The following PARD3B variants were observed in gnomAD, a reference collection of about 807,000 sequenced individuals.
PARD3B encodes the protein par-3 family cell polarity regulator beta.
A neutral mutation model predicts 130.2 loss-of-function variants in PARD3B; 103 were observed. The ratio of observed to expected loss-of-function variants is 0.79; its 90% CI spans 0.67 to 0.93. PARD3B has a LOEUF of 0.93. Ranked by LOEUF, PARD3B falls within the 40% of genes least tolerant of loss-of-function variation. The pLI is 0.00. For missense variants in PARD3B, 1,609 were observed against 1,499.2 expected, an observed-to-expected ratio of 1.07 and a Z score of -1.21; for synonymous variants, 583 against 553.2, an observed-to-expected ratio of 1.05 and a Z score of -0.76.
In PARD3B at chr2:205,011,477, T is replaced by G. The variant is rs946595982; in HGVS notation, c.395-36104T>G. ...GAGGGGCATGCTCTAAAGACAGAAGTGCAGTTTTATAACCTAATCTCAGAA... is the reference window on the plus strand; with the variant it reads ...GAGGGGCATGCTCTAAAGACAGAAGGGCAGTTTTATAACCTAATCTCAGAA... On this transcript the variant is annotated intron_variant, in intron 3 of 22. Transcript: ENST00000406610. This position sits in a 1 kb window ranked among gnomAD's most constrained non-coding sequence, Gnocchi z 4.1. 5.9e-5 allele frequency among the ~76,000 whole-genome samples: 9 copies of G among 152,124 alleles called. No individual in the cohort carries two copies. The highest frequency in any genetic ancestry group is 1.0e-4 in the Non-Finnish European group (7 of 68,016).
intron 2 of PARD3B, among the ~76,000 whole-genome samples, chr2:204,833,394 C>T (rs1188042111): frequency 6.6e-6 from 1 of 152,070 alleles, no homozygotes; most frequent in Non-Finnish European, 1.5e-5. Flanking sequence ...GACTCTGCTT[C>T]CCAGATCAAT....
At chr2:205,248,411 TGGTGGC>T (rs1254680922) in intron 16 of PARD3B, among the ~76,000 whole-genome samples, 5 of 148,244 alleles carry the variant, frequency 3.4e-5, no homozygotes, top group South Asian at 4.5e-4. Context: ...GTGGTGGTGG[TGGTGGC>T]GGCAGCAGCA....
rs939402356 is a variant in PARD3B, at chr2:205,078,266, T to G, written c.505-26160T>G. Among the ~76,000 whole-genome samples, 6 of 152,236 alleles carry G rather than the reference T, an allele frequency of 3.9e-5. No individual in the cohort carries two copies. The highest frequency in any genetic ancestry group is 1.4e-4 in the African/African-American group (6 of 41,464). On this transcript the variant is annotated intron_variant, in intron 4 of 22. Coordinates refer to ENST00000406610, the MANE Select transcript of PARD3B (RefSeq NM_001302769.2). This position sits in a 1 kb window ranked among gnomAD's most constrained non-coding sequence, Gnocchi z 4.0. ...AAACTCTGAATGGGTATTTATAATT[T>G]AGCTTTGTTCCTTTTATTAGATGTG...
chr2:204,600,401 A>G (rs1271688069), intron 1 of PARD3B, among the ~76,000 whole-genome samples: 2 of 151,744 alleles, frequency 1.3e-5, no homozygotes, highest in Non-Finnish European at 3.0e-5. Flanking sequence ...TAGTTTTCCT[A>G]GCACCATTTA....
At chr2:204,880,109 G>T (rs1444694210) in intron 2 of PARD3B, among the ~76,000 whole-genome samples, 1 of 152,116 alleles carries the variant, frequency 6.6e-6, no homozygotes, top group Non-Finnish European at 1.5e-5. Flanking sequence ...AAGGGAAAAA[G>T]ACTGGATCCA....
intron 2 of PARD3B, among the ~76,000 whole-genome samples, chr2:204,698,224 T>A (rs1208080584): frequency 6.6e-6 from 1 of 152,150 alleles, no homozygotes; most frequent in African/African-American, 2.4e-5. Context: ...AAGCTTAGGC[T>A]CTATTTTTTG....
At chr2:204,700,604 G>A (rs2037845917) in intron 2 of PARD3B, among the ~76,000 whole-genome samples, 1 of 152,068 alleles carries the variant, frequency 6.6e-6, no homozygotes, top group South Asian at 2.1e-4. Flanking sequence ...TGGATCTGGA[G>A]CTACAAGCAT....
chr2:204,583,749 T>C (rs1490486665), intron 1 of PARD3B, among the ~76,000 whole-genome samples: 1 of 151,202 alleles, frequency 6.6e-6, no homozygotes, highest in Admixed American at 6.6e-5. Context: ...CCTGGCCCAC[T>C]ACAGACCCAC....
rs977770109 is a variant in PARD3B, at chr2:204,967,982, T to C, written c.394+2659T>C. Among the ~76,000 whole-genome samples, 4 of 152,088 alleles carry C rather than the reference T, an allele frequency of 2.6e-5. No individual in the cohort carries two copies. The highest frequency in any genetic ancestry group is 4.4e-5 in the Non-Finnish European group (3 of 68,016). ...TCCTCCTAACAGGGTGCTCATGAAATGTCAGCCATTGAACCCAGGCCCTTC... is the reference window on the plus strand; with the variant it reads ...TCCTCCTAACAGGGTGCTCATGAAACGTCAGCCATTGAACCCAGGCCCTTC... On this transcript the variant is annotated intron_variant, in intron 3 of 22. Transcript: ENST00000406610. This position sits in a 1 kb window ranked among gnomAD's most constrained non-coding sequence, Gnocchi z 4.4.
intron 2 of PARD3B, among the ~76,000 whole-genome samples, chr2:204,958,399 A>C (rs537923425): frequency 1.3e-5 from 2 of 152,356 alleles, no homozygotes; most frequent in South Asian, 2.1e-4. Context: ...ACCAGACAGC[A>C]CAAACCATGT....
chr2:204,957,947 A>G (rs1447736830), intron 2 of PARD3B, among the ~76,000 whole-genome samples: 1 of 152,168 alleles, frequency 6.6e-6, no homozygotes, highest in Non-Finnish European at 1.5e-5. Flanking sequence ...ATAGTTGGTA[A>G]CACAGAATAT....
intron 11 of PARD3B, among the ~76,000 whole-genome samples, chr2:205,165,723 AAATAAATAAATAAATAAATAAAT>A (rs2034771757): frequency 4.0e-5 from 1 of 25,254 alleles, no homozygotes; most frequent in African/African-American, 2.2e-4. Context: ...TCTGTCTCAA[AAATAAATAAATAAATAAATAAAT>A]AAATAAATAA....
At chr2:205,167,189 A>G (rs965607589) in intron 11 of PARD3B, among the ~76,000 whole-genome samples, 1 of 152,166 alleles carries the variant, frequency 6.6e-6, no homozygotes, top group African/African-American at 2.4e-5. Context: ...TGGCAGAGGA[A>G]GTACCCAGGC....
intron 2 of PARD3B, among the ~76,000 whole-genome samples, chr2:204,867,333 T>C (rs1266939783): frequency 2.0e-5 from 3 of 152,190 alleles, no homozygotes; most frequent in Admixed American, 6.6e-5. Context: ...TCTCAACACC[T>C]TCAATTCTCA....
intron 1 of PARD3B, among the ~76,000 whole-genome samples, chr2:204,648,524 A>C (rs1442596016): frequency 7.1e-6 from 1 of 141,834 alleles, no homozygotes; most frequent in Non-Finnish European, 1.5e-5. Context: ...GTGGGCAAGC[A>C]TATATTTAGC....
chr2:205,378,955 A>C (rs2045193317), intron 18 of PARD3B, among the ~76,000 whole-genome samples: 1 of 151,078 alleles, frequency 6.6e-6, no homozygotes, highest in Non-Finnish European at 1.5e-5. Flanking sequence ...TTTTTTAAGG[A>C]GAAAAGAACC....
chr2:205,571,062 T>C (rs927332929), intron 22 of PARD3B, among the ~76,000 whole-genome samples: 8 of 152,214 alleles, frequency 5.3e-5, no homozygotes, highest in African/African-American at 1.7e-4. Flanking sequence ...CTAGCAACAG[T>C]TGATATTTGA....
At chr2:205,262,574 A>G (rs1346197527) in intron 16 of PARD3B, among the ~76,000 whole-genome samples, 1 of 152,112 alleles carries the variant, frequency 6.6e-6, no homozygotes, top group Non-Finnish European at 1.5e-5. Context: ...TGTTGTTTCA[A>G]AAGTATAAGA....
At chr2:205,605,809 TGTCCAGACTGCCCGGATTCCTCA>T (rs2054973086) in intron 22 of PARD3B, among the ~76,000 whole-genome samples, 2 of 152,208 alleles carry the variant, frequency 1.3e-5, no homozygotes, top group African/African-American at 4.8e-5. Flanking sequence ...GAATCCCACT[TGTCCAGACTGCCCGGATTCCTCA>T]GAGCCAGCAG....
Sources: gnomAD v4.1 joint callset for allele counts (sites outside exome capture counted in the v4.1 genomes callset) on GRCh38, gnomAD v4.1.1 for gene constraint, Gnocchi (gnomAD v3.1) non-coding constraint, MANE v1.5 for transcripts, NCBI Gene and HGNC (gene_info 2026-07-23, HGNC 2026-07-21) for gene names.